Variants in IL18RAP observed in about 807,000 individuals in gnomAD.
IL18RAP encodes interleukin-18 receptor accessory protein.
A neutral mutation model predicts 58.1 loss-of-function variants in IL18RAP; 37 were observed. That is an observed-to-expected ratio of 0.64 (90% confidence interval 0.49 to 0.84). The LOEUF (loss-of-function observed/expected upper bound fraction) is 0.84, where lower values mean the gene tolerates loss of function less well. IL18RAP is among the 40% of genes least tolerant of loss of function. The pLI, the probability that IL18RAP is intolerant of heterozygous loss-of-function variation, is 0.00. For missense variants in IL18RAP, 667 were observed against 704.8 expected (o/e 0.95, Z 0.61); for synonymous variants, 268 against 257.5 (o/e 1.04, Z -0.39).
At chr2:102,429,904 C>A (rs191631741) in intron 3 of IL18RAP, among the ~76,000 whole-genome samples, 4 of 151,924 alleles carry the variant, frequency 2.6e-5, no homozygotes, top group Non-Finnish European at 2.9e-5. Context: ...AGATTTCTAC[C>A]TTTATGCCTT....
In IL18RAP at chr2:102,423,795, T is replaced by G; in HGVS notation, c.71-16T>G. On this transcript the variant is annotated splice_polypyrimidine_tract_variant and intron_variant, in intron 1 of 9. Coordinates refer to ENST00000687160, the MANE Select transcript of IL18RAP (RefSeq NM_001393487.1). ...TCTAATGTGTTTCCATGTGCTTTGTTTATTATGATTTTCAGGTTGTTCCAC... is the reference window on the plus strand; with the variant it reads ...TCTAATGTGTTTCCATGTGCTTTGTGTATTATGATTTTCAGGTTGTTCCAC... The G allele has an allele frequency of 6.3e-7, 1 of 1,582,510 alleles. No individual in the cohort carries two copies. The highest frequency in any genetic ancestry group is 8.7e-7 in the Non-Finnish European group (1 of 1,153,308).
intron 3 of IL18RAP, among the ~76,000 whole-genome samples, chr2:102,433,366 G>A (rs1282327478): frequency 6.6e-6 from 1 of 152,152 alleles, no homozygotes; most frequent in Non-Finnish European, 1.5e-5. Flanking sequence ...GGGACTACAG[G>A]CACATACCAC....
Position 102,443,384 on chromosome 2 carries a change from G to A in IL18RAP, c.920+61G>A, listed in dbSNP as rs1002821916. ...TTCAGAAGAGATACTTCTACCTTTA[G>A]AAATGCCTAAAGTATACAGTTGATG... is the stretch of plus-strand genomic sequence containing the variant. On this transcript the variant is annotated intron_variant, in intron 6 of 9. Transcript: ENST00000687160. 6.4e-6 allele frequency: 10 copies of A among 1,567,194 alleles called. No individual in the cohort carries two copies. The African/African-American group carries it at 1.1e-4, about 17-fold the overall frequency.
At chr2:102,447,313 G>C (rs999040377) in intron 8 of IL18RAP, 106 bp downstream of exon 8, 2 of 1,313,562 alleles carry the variant, frequency 1.5e-6, no homozygotes, top group Non-Finnish European at 2.1e-6. Context: ...TTTCCTCAGA[G>C]TTACCTTAGA....
chr2:102,444,176 A>G (rs963301825), intron 6 of IL18RAP, among the ~76,000 whole-genome samples: 3 of 152,252 alleles, frequency 2.0e-5, no homozygotes, highest in African/African-American at 7.2e-5. Flanking sequence ...AAAAGTATAC[A>G]TCATTACAAA....
intron 3 of IL18RAP, among the ~76,000 whole-genome samples, chr2:102,432,828 A>G (rs1453146760): frequency 6.6e-6 from 1 of 152,258 alleles, no homozygotes; most frequent in Non-Finnish European, 1.5e-5. Flanking sequence ...TCAGAATTAA[A>G]GTGAGTTATT....
At position 102,451,836 on chromosome 2, in the gene IL18RAP, T is replaced by G; in HGVS notation, c.1455T>G (p.Tyr485Ter). The G allele has an allele frequency of 2.5e-6, 4 of 1,613,826 alleles. No homozygotes were observed. Among genetic ancestry groups the G allele is most frequent in the Non-Finnish European group, 3.4e-6 (4 of 1,179,674 alleles). ...GAATATTTATCTTGAGCCCCAACTA[T>G]GTCAATGGACCCAGTATCTTTGAAC... is the stretch of plus-strand genomic sequence containing the variant. Reference protein sequence around the residue: ...RRGIFILSPNYVNGPSIFELQ... With the variant: ...RRGIFILSPN The change falls in exon 10 of 10, where the codon TAT becomes TAG. Residue 485 changes from tyrosine (Y) to a stop codon, truncating the protein, a stop_gained. Coordinates refer to ENST00000687160, the MANE Select transcript of IL18RAP (RefSeq NM_001393487.1). LOFTEE classifies it low-confidence loss of function (END_TRUNC).
At position 102,423,251 on chromosome 2, in the gene IL18RAP, G is replaced by T. The variant is rs764155808; in HGVS notation, c.-27G>T. On this transcript the variant is annotated 5_prime_UTR_variant, in exon 1 of 10. An upstream open reading frame in the 5' UTR gains an earlier in-frame stop. Transcript: ENST00000687160. ...CTCTGGCAAAGGAATGAAGTTATTG[G>T]AGTGATGACAGGAACACGGGAGAAC... 1 of 1,609,190 alleles carries T rather than the reference G, an allele frequency of 6.2e-7. No homozygotes were observed. Among genetic ancestry groups the T allele is most frequent in the Admixed American group, 1.7e-5 (1 of 60,016 alleles).
intron 3 of IL18RAP, 127 bp from the exon 4 acceptor site, chr2:102,437,085 T>C (rs1443109684): frequency 3.3e-5 from 26 of 785,966 alleles, no homozygotes. Context: ...TCATAGCTTG[T>C]GAGATACCCT....
intron 4 of IL18RAP, among the ~76,000 whole-genome samples, chr2:102,438,531 C>A (rs142151738): frequency 1.5e-3 from 232 of 152,270 alleles, no homozygotes; most frequent in Non-Finnish European, 2.5e-3. Flanking sequence ...ACCCCACTCG[C>A]ACCACTTTTC....
chr2:102,450,806 GA>G, intron 8 of IL18RAP, 41 bp from the exon 9 acceptor site: 1 of 1,343,906 alleles, frequency 7.4e-7, no homozygotes, highest in East Asian at 2.3e-5. Context: ...GTAAAAAAAA[GA>G]GTAAATGACT....
upstream of IL18RAP, among the ~76,000 whole-genome samples, chr2:102,419,271 A>G (rs2104272284): frequency 6.6e-6 from 1 of 152,332 alleles, no homozygotes; most frequent in South Asian, 2.1e-4. Context: ...GGCAGGTACT[A>G]CAGCTTCATT....
chr2:102,427,976 G>A (rs1682065858), intron 3 of IL18RAP, among the ~76,000 whole-genome samples: 1 of 130,400 alleles, frequency 7.7e-6, no homozygotes, highest in South Asian at 2.5e-4. Flanking sequence ...TGTGTTCTTG[G>A]CATCTTTTTT....
intron 8 of IL18RAP, among the ~76,000 whole-genome samples, chr2:102,449,361 AG>A (rs1683624106): frequency 1.3e-5 from 2 of 152,230 alleles, no homozygotes; most frequent in African/African-American, 4.8e-5. Context: ...AATGTTTTTA[AG>A]ATTTATTTTA....
At chr2:102,427,289 A>G (rs962776521) in intron 3 of IL18RAP, among the ~76,000 whole-genome samples, 5 of 152,142 alleles carry the variant, frequency 3.3e-5, no homozygotes, top group African/African-American at 7.2e-5. Context: ...TTGCTGAATC[A>G]TATGGTAGCT....
Position 102,423,899 on chromosome 2 carries a change from A to G in IL18RAP, c.159A>G (p.Lys53=). ...VLFCDLPEPQ[K]SHFCHRNRLS... is the part of the protein sequence containing the mutation. ...TTTGTGATTTACCAGAGCCACAGAA[A>G]TCACATTTCTGCCACAGAAATCGAC... is the stretch of plus-strand genomic sequence containing the variant. The change falls in exon 2 of 10, where the codon AAA becomes AAG. Residue 53 remains lysine, a synonymous_variant. Coordinates refer to ENST00000687160, the MANE Select transcript of IL18RAP (RefSeq NM_001393487.1). The G allele has an allele frequency of 1.2e-6, 2 of 1,613,944 alleles. No individual in the cohort carries two copies. The highest frequency in any genetic ancestry group is 8.5e-7 in the Non-Finnish European group (1 of 1,179,926).
intron 4 of IL18RAP, chr2:102,440,006 A>G (rs141102724): frequency 6.6e-6 from 1 of 152,450 alleles, no homozygotes; most frequent in East Asian, 1.9e-4. Context: ...ATCCTCAAAG[A>G]GGATGGGAAC....
At chr2:102,421,314 G>T (rs941746038), upstream of IL18RAP, among the ~76,000 whole-genome samples, 1 of 152,180 alleles carries the variant, frequency 6.6e-6, no homozygotes, top group Admixed American at 6.5e-5. Flanking sequence ...GTCAGGGAAC[G>T]ACTCTCTGAG....
At chr2:102,441,266 T>C (rs746170628) in intron 4 of IL18RAP, 46 bp from the exon 5 acceptor site, 1 of 1,503,276 alleles carries the variant, frequency 6.7e-7, no homozygotes. Context: ...CAAGCAGGCC[T>C]TCAGACTTTC....
Sources: gnomAD v4.1 joint callset for allele counts (sites outside exome capture counted in the v4.1 genomes callset) on GRCh38, gnomAD v4.1.1 for gene constraint, MANE v1.5 for transcripts, NCBI Gene and HGNC (gene_info 2026-07-23, HGNC 2026-07-21) for gene names.